KCTD1: variants seen among roughly 807,000 people sequenced by gnomAD.
KCTD1 encodes the protein potassium channel tetramerization domain containing 1.
A neutral mutation model predicts 66.0 loss-of-function variants in KCTD1; 24 were observed. The observed-to-expected ratio is 0.36, with a 90% CI of 0.26 to 0.51. The LOEUF (loss-of-function observed/expected upper bound fraction) is 0.51. Among genes scored for constraint, KCTD1 ranks in the 20% least tolerant of loss-of-function variants. The probability of loss-of-function intolerance (pLI) is 0.95; values close to 1 mark genes in which losing one functional copy is unlikely to be tolerated. For missense variants in KCTD1, 943 were observed against 1,205.2 expected (o/e 0.78, Z 3.22); for synonymous variants, 511 against 517.2 (o/e 0.99, Z 0.16).
At chr18:26,492,826 C>T (rs1982275126) in intron 2 of KCTD1, among the ~76,000 whole-genome samples, 1 of 151,842 alleles carries the variant, frequency 6.6e-6, no homozygotes, top group African/African-American at 2.4e-5. Flanking sequence ...AAATACAGTT[C>T]CTTACCTATA....
chr18:26,510,139 G>A (rs566452806), intron 1 of KCTD1, among the ~76,000 whole-genome samples: 1 of 152,304 alleles, frequency 6.6e-6, no homozygotes, highest in Non-Finnish European at 1.5e-5. Context: ...TGAGCGGCAA[G>A]GCCCAACAAA....
chr18:26,583,575 G>A (rs1415716221), intron 1 of KCTD1, among the ~76,000 whole-genome samples: 4 of 152,056 alleles, frequency 2.6e-5, no homozygotes, highest in African/African-American at 4.8e-5. Flanking sequence ...ACTCTCTGAT[G>A]TACTCTGTTT....
chr18:26,518,945 T>C (rs1983790498), intron 1 of KCTD1, among the ~76,000 whole-genome samples: 1 of 152,272 alleles, frequency 6.6e-6, no homozygotes, highest in Admixed American at 6.5e-5. Context: ...CAAAGTAAAC[T>C]TTGTAAGTAT....
At chr18:26,472,556 C>T (rs1174250457) in intron 3 of KCTD1, among the ~76,000 whole-genome samples, 1 of 152,198 alleles carries the variant, frequency 6.6e-6, no homozygotes, top group Non-Finnish European at 1.5e-5. Context: ...ACTGCCTTTC[C>T]TCTAGGAAAA....
chr18:26,653,270 T>TA (rs1346558450), intron 1 of KCTD1, among the ~76,000 whole-genome samples: 1 of 152,244 alleles, frequency 6.6e-6, no homozygotes, highest in Admixed American at 6.5e-5. Context: ...TCCAGCCAGT[T>TA]AAGCCCTGAG....
intron 1 of KCTD1, among the ~76,000 whole-genome samples, chr18:26,536,642 T>C (rs575554447): frequency 2.6e-5 from 4 of 152,344 alleles, no homozygotes; most frequent in Admixed American, 1.3e-4. Flanking sequence ...GCCAGTACTT[T>C]GGACTTGCCC....
chr18:26,632,436 A>G (rs1020609191), upstream of KCTD1, among the ~76,000 whole-genome samples: 1 of 152,188 alleles, frequency 6.6e-6, no homozygotes, highest in African/African-American at 2.4e-5. Flanking sequence ...TAAAGACAGG[A>G]AAGTTTGCTC....
At chr18:26,585,140 T>C (rs1350910834) in intron 1 of KCTD1, among the ~76,000 whole-genome samples, 1 of 152,084 alleles carries the variant, frequency 6.6e-6, no homozygotes, top group Admixed American at 6.6e-5. Context: ...AAGAGAAAAG[T>C]GAACTTAACT....
At chr18:26,471,715 G>A (rs1020083825) in intron 3 of KCTD1, among the ~76,000 whole-genome samples, 6 of 152,136 alleles carry the variant, frequency 3.9e-5, no homozygotes, top group Non-Finnish European at 7.3e-5. Context: ...TTACTGGGGG[G>A]AACTGGGTAA....
intron 1 of KCTD1, among the ~76,000 whole-genome samples, chr18:26,606,855 A>G (rs889148123): frequency 3.2e-4 from 49 of 152,366 alleles, no homozygotes; most frequent in African/African-American, 1.2e-3. Context: ...AGTATTCACT[A>G]TGGAATTAGA....
rs2144594700 is a variant in KCTD1, at chr18:26,474,120, A to G, written c.2133+2395T>C. ...ACATAAATAGAAACATACTATACATATGGTTCTGCAACTTAATATTTTCAC... is the reference window on the plus strand; with the variant it reads ...ACATAAATAGAAACATACTATACATGTGGTTCTGCAACTTAATATTTTCAC... On this transcript the variant is annotated intron_variant, in intron 3 of 4. Coordinates refer to ENST00000580059, the MANE Select transcript of KCTD1 (RefSeq NM_001142730.3). Among the ~76,000 whole-genome samples the G allele has an allele frequency of 4.6e-5, 7 of 152,304 alleles. 1 individual carries two copies. The South Asian group carries it at 1.5e-3, about 32-fold the overall frequency.
chr18:26,543,107 A>C (rs1038439005), intron 1 of KCTD1: 1 of 152,262 alleles, frequency 6.6e-6, no homozygotes, highest in Non-Finnish European at 1.5e-5. Flanking sequence ...GTAGGCGCTC[A>C]GTAACTACTT....
intron 1 of KCTD1, among the ~76,000 whole-genome samples, chr18:26,508,073 T>C (rs912529381): frequency 2.0e-5 from 3 of 152,246 alleles, no homozygotes; most frequent in African/African-American, 7.2e-5. Flanking sequence ...ATAACACTTA[T>C]TTTTAAAGCC....
intron 2 of KCTD1, 112 bp downstream of exon 2, chr18:26,500,960 T>G: frequency 1.6e-6 from 2 of 1,234,984 alleles, no homozygotes. Flanking sequence ...ACACAGCACT[T>G]TCACATCCTG....
chr18:26,575,075 T>A (rs1986194204), intron 1 of KCTD1, among the ~76,000 whole-genome samples: 1 of 152,206 alleles, frequency 6.6e-6, no homozygotes, highest in Admixed American at 6.5e-5. Flanking sequence ...CACAATTTCC[T>A]CTGCCATTGT....
intron 1 of KCTD1, among the ~76,000 whole-genome samples, chr18:26,612,782 C>T (rs1356099181): frequency 6.6e-6 from 1 of 152,220 alleles, no homozygotes; most frequent in Non-Finnish European, 1.5e-5. Flanking sequence ...CCTGGAAACT[C>T]TTCGGGCAGT....
intron 1 of KCTD1, among the ~76,000 whole-genome samples, chr18:26,517,820 C>T (rs1270116374): frequency 1.3e-5 from 2 of 152,228 alleles, no homozygotes; most frequent in African/African-American, 2.4e-5. Context: ...TTGCAAATTG[C>T]CCAGTCTCAG....
chr18:26,496,609 TA>T (rs1230619405), intron 2 of KCTD1, among the ~76,000 whole-genome samples: 2 of 152,162 alleles, frequency 1.3e-5, no homozygotes, highest in Non-Finnish European at 2.9e-5. Context: ...TTGAAAACTT[TA>T]GTCCCTTTAG....
chr18:26,520,279 G>A (rs1983848244), intron 1 of KCTD1, among the ~76,000 whole-genome samples: 1 of 152,140 alleles, frequency 6.6e-6, no homozygotes, highest in South Asian at 2.1e-4. Flanking sequence ...ACACACATGT[G>A]CTGGCTATTT....
Sources: gnomAD v4.1 joint callset for allele counts (sites outside exome capture counted in the v4.1 genomes callset) on GRCh38, gnomAD v4.1.1 for gene constraint, MANE v1.5 for transcripts, NCBI Gene and HGNC (gene_info 2026-07-23, HGNC 2026-07-21) for gene names.